The following GPHN variants were observed in gnomAD, a reference collection of about 807,000 sequenced individuals.
The protein encoded by GPHN is gephyrin.
A neutral mutation model predicts 95.5 loss-of-function variants in GPHN; 17 were observed. The observed-to-expected ratio is 0.18, with a 90% confidence interval of 0.12 to 0.27. GPHN has a LOEUF of 0.27. Ranked by LOEUF, GPHN falls within the 10% of genes least tolerant of loss-of-function variation. The probability of loss-of-function intolerance (pLI) is 1.00; values close to 1 mark genes in which losing one functional copy is unlikely to be tolerated. For synonymous variants in GPHN, 320 were observed against 322.5 expected, an observed-to-expected ratio of 0.99 and a Z score of 0.08; for missense variants, 660 against 978.1, an observed-to-expected ratio of 0.67 and a Z score of 4.34.
the GPHN span, chr14:67,388,103 T>C: frequency 1.5e-6 from 1 of 646,828 alleles, no homozygotes; most frequent in Admixed American, 2.6e-5. Context: ...CTCACACCAC[T>C]CTGTCTCATG....
chr14:67,532,577 C>A, the GPHN span, among the ~76,000 whole-genome samples: 1 of 152,112 alleles, frequency 6.6e-6, no homozygotes, highest in Non-Finnish European at 1.5e-5. Flanking sequence ...TCCTCCTGGG[C>A]CCTCCTTTAA....
At chr14:67,354,499 G>T in the GPHN span, among the ~76,000 whole-genome samples, 5 of 152,054 alleles carry the variant, frequency 3.3e-5, no homozygotes, top group Non-Finnish European at 7.4e-5. Context: ...ACAAAAACAC[G>T]TGCAAGGTTT....
At chr14:67,647,796 C>A in the GPHN span, 1 of 468,242 alleles carries the variant, frequency 2.1e-6, no homozygotes, top group East Asian at 3.6e-5. Flanking sequence ...CAGAAATATA[C>A]ATTGGAGTTA....
At chr14:67,499,196 G>A in the GPHN span, among the ~76,000 whole-genome samples, 3 of 151,868 alleles carry the variant, frequency 2.0e-5, no homozygotes, top group African/African-American at 7.3e-5. Context: ...TAGATATGGG[G>A]TCCTGCTATG....
At position 66,661,447 on chromosome 14, in the gene GPHN, C is replaced by T. The variant is rs1389857482; in HGVS notation, c.65-19660C>T. Among the ~76,000 whole-genome samples, 4 of 152,106 alleles carry T rather than the reference C, an allele frequency of 2.6e-5. No homozygotes were observed. In the South Asian group the frequency reaches 8.3e-4, roughly 31 times the overall value. ...AAGAGGGACCCTCAATCCAAATCCT[C>T]TTCTTGGGTGTTACCTCCCAACTGA... On this transcript the variant is annotated intron_variant, in intron 1 of 22. Transcript: ENST00000478722.
the GPHN span, among the ~76,000 whole-genome samples, chr14:67,223,038 C>T: frequency 0.089 from 11,247 of 126,560 alleles, 1,024 homozygotes; most frequent in African/African-American, 0.26. Flanking sequence ...CTCCCTCTTT[C>T]GCCCAAGCCA....
the GPHN span, among the ~76,000 whole-genome samples, chr14:67,526,560 C>T: frequency 3.3e-5 from 5 of 152,176 alleles, no homozygotes; most frequent in African/African-American, 4.8e-5. Context: ...CCTGAAACGA[C>T]GCAAAATTGA....
intron 17 of GPHN, among the ~76,000 whole-genome samples, chr14:67,124,432 G>T (rs1208712487): frequency 2.0e-5 from 3 of 152,128 alleles, no homozygotes; most frequent in African/African-American, 7.2e-5. Context: ...GGAAAGTAAA[G>T]CCAGTGTACA....
At chr14:67,364,754 G>A in the GPHN span, 2 of 1,589,514 alleles carry the variant, frequency 1.3e-6, no homozygotes, top group South Asian at 2.3e-5. Context: ...TAATTCTTTT[G>A]TTTAAATTGC....
the GPHN span, chr14:67,486,955 G>C: frequency 1.3e-5 from 2 of 152,202 alleles, no homozygotes; most frequent in African/African-American, 4.8e-5. Flanking sequence ...CGAGCAGGCA[G>C]GATCGCTGGG....
At chr14:67,603,474 GT>G in the GPHN span, among the ~76,000 whole-genome samples, 1 of 152,214 alleles carries the variant, frequency 6.6e-6, no homozygotes, top group Non-Finnish European at 1.5e-5. Context: ...TACTGTGGTA[GT>G]CTAAGATCTC....
the GPHN span, chr14:67,589,905 G>T: frequency 1.6e-6 from 2 of 1,269,402 alleles, no homozygotes; most frequent in Admixed American, 3.8e-5. Context: ...TATAATACAC[G>T]GAAATATACT....
chr14:66,958,838 T>C (rs1353098563), intron 8 of GPHN, among the ~76,000 whole-genome samples: 1 of 152,202 alleles, frequency 6.6e-6, no homozygotes, highest in Non-Finnish European at 1.5e-5. Flanking sequence ...GTACATTTAA[T>C]GCAATTACTA....
intron 16 of GPHN, among the ~76,000 whole-genome samples, chr14:67,115,212 G>A (rs528876561): frequency 2.5e-4 from 38 of 151,778 alleles, no homozygotes; most frequent in African/African-American, 8.5e-4. Context: ...GGGTACCTCT[G>A]TGCCAGGCAC....
At chr14:67,043,062 A>G (rs1478455721) in intron 10 of GPHN, among the ~76,000 whole-genome samples, 1 of 152,120 alleles carries the variant, frequency 6.6e-6, no homozygotes, top group Non-Finnish European at 1.5e-5. Flanking sequence ...AATGCTTGTG[A>G]TTTTTGCACA....
the GPHN span, chr14:67,376,372 A>G: frequency 7.0e-7 from 1 of 1,434,732 alleles, no homozygotes; most frequent in East Asian, 2.5e-5. Context: ...GTTATTTACT[A>G]AAATGTAAAA....
chr14:67,050,361 CTTTG>C (rs1341478900), intron 10 of GPHN, among the ~76,000 whole-genome samples: 1 of 152,118 alleles, frequency 6.6e-6, no homozygotes, highest in African/African-American at 2.4e-5. Context: ...CAATTTTGGA[CTTTG>C]TTTGAAAGAT....
chr14:67,575,526 G>A, the GPHN span: 1 of 1,125,918 alleles, frequency 8.9e-7, no homozygotes, highest in African/African-American at 1.5e-5. Context: ...CGAAGCACAT[G>A]ACTGCCACTC....
chr14:66,897,919 CA>C (rs1234593468), intron 5 of GPHN, among the ~76,000 whole-genome samples: 7 of 152,056 alleles, frequency 4.6e-5, no homozygotes, highest in Admixed American at 6.6e-5. Context: ...CACACCTTGC[CA>C]GTATTTGGAG....
Sources: gnomAD v4.1 joint callset for allele counts (sites outside exome capture counted in the v4.1 genomes callset) on GRCh38, gnomAD v4.1.1 for gene constraint, MANE v1.5 for transcripts, NCBI Gene and HGNC (gene_info 2026-07-23, HGNC 2026-07-21) for gene names.